The following PTPRT variants were observed in gnomAD, a reference collection of about 807,000 sequenced individuals.
PTPRT encodes the protein protein tyrosine phosphatase receptor type T, also known as receptor-type tyrosine-protein phosphatase T.
In PTPRT, 56 loss-of-function variants were observed where a neutral mutation model predicts 176.8. The observed-to-expected ratio is 0.32, with a 90% CI of 0.26 to 0.40. The LOEUF (loss-of-function observed/expected upper bound fraction) is 0.40. PTPRT is among the 10% of genes least tolerant of loss of function. PTPRT has a pLI of 1.00. For synonymous variants in PTPRT, 783 were observed against 739.0 expected (o/e 1.06, Z -0.96); for missense variants, 1,540 against 1,908.2 (o/e 0.81, Z 3.60).
At chr20:42,837,523 C>A (rs1353540874) in intron 2 of PTPRT, among the ~76,000 whole-genome samples, 4 of 152,196 alleles carry the variant, frequency 2.6e-5, no homozygotes, top group Non-Finnish European at 5.9e-5. Flanking sequence ...CAATCTCGGG[C>A]CCCTGGATCC....
intron 9 of PTPRT, among the ~76,000 whole-genome samples, chr20:42,355,226 T>C (rs1283195367): frequency 6.6e-6 from 1 of 152,168 alleles, no homozygotes; most frequent in African/African-American, 2.4e-5. Flanking sequence ...TTGGTATTCC[T>C]GCAGCATCCC....
chr20:42,380,442 C>T (rs540635266), intron 9 of PTPRT, among the ~76,000 whole-genome samples: 30 of 152,322 alleles, frequency 2.0e-4, no homozygotes, highest in African/African-American at 6.7e-4. Flanking sequence ...CTTCCCTTAG[C>T]CCCAGGCCTG....
intron 15 of PTPRT, among the ~76,000 whole-genome samples, chr20:42,230,020 TC>T (rs1431817304): frequency 6.6e-6 from 1 of 152,122 alleles, no homozygotes; most frequent in Non-Finnish European, 1.5e-5. Context: ...GCAAGCAACA[TC>T]CTTAAGACAA....
At chr20:42,334,320 T>C (rs2058010013) in intron 11 of PTPRT, among the ~76,000 whole-genome samples, 1 of 152,154 alleles carries the variant, frequency 6.6e-6, no homozygotes, top group Admixed American at 6.5e-5. Context: ...AACAAAAATA[T>C]GTCCTGACAT....
chr20:42,998,113 C>A (rs1984330029), intron 1 of PTPRT, among the ~76,000 whole-genome samples: 1 of 152,032 alleles, frequency 6.6e-6, no homozygotes, highest in African/African-American at 2.4e-5. Context: ...GAAAAGCTAC[C>A]CCCTCTATGG....
chr20:42,525,113 G>A (rs528416632), intron 7 of PTPRT, among the ~76,000 whole-genome samples: 3 of 151,866 alleles, frequency 2.0e-5, no homozygotes, highest in Non-Finnish European at 2.9e-5. Context: ...TCAGCCTCCC[G>A]CTGGGACTAT....
chr20:42,598,881 G>C (rs6093691), intron 7 of PTPRT, among the ~76,000 whole-genome samples: 18,945 of 152,174 alleles, frequency 0.12, 1,275 homozygotes, highest in South Asian at 0.15. Context: ...TGCACCTCCA[G>C]TGCCTGTCAC....
intron 6 of PTPRT, among the ~76,000 whole-genome samples, chr20:42,683,954 C>A (rs953652533): frequency 6.6e-6 from 1 of 152,204 alleles, no homozygotes; most frequent in Non-Finnish European, 1.5e-5. Context: ...AGTGAGCAAT[C>A]GGCAGTAGCC....
At chr20:42,306,594 C>T (rs548060018) in intron 12 of PTPRT, among the ~76,000 whole-genome samples, 17 of 152,294 alleles carry the variant, frequency 1.1e-4, no homozygotes, top group South Asian at 1.0e-3. Flanking sequence ...ATCCAGGAAT[C>T]GATTCCTTAC....
At chr20:42,116,624 C>A (rs1280787265) in intron 21 of PTPRT, among the ~76,000 whole-genome samples, 2 of 152,054 alleles carry the variant, frequency 1.3e-5, no homozygotes, top group Admixed American at 1.3e-4. Flanking sequence ...TATTATCATC[C>A]CCATTTTGCA....
At chr20:42,336,253 G>A (rs1036312865) in intron 11 of PTPRT, among the ~76,000 whole-genome samples, 3 of 152,192 alleles carry the variant, frequency 2.0e-5, no homozygotes, top group African/African-American at 7.2e-5. Context: ...TGGAAAGAAG[G>A]AAGGGAGGTA....
chr20:42,054,257 T>A, the PTPRT span, among the ~76,000 whole-genome samples: 3 of 152,216 alleles, frequency 2.0e-5, no homozygotes, highest in Admixed American at 2.0e-4. Context: ...TACAGTGTTC[T>A]CCACTCACTG....
intron 1 of PTPRT, among the ~76,000 whole-genome samples, chr20:42,920,182 A>G (rs1488566504): frequency 6.6e-6 from 1 of 152,258 alleles, no homozygotes. Context: ...CGAATGGCTT[A>G]GCAACTTGTG....
At chr20:42,517,709 T>C (rs2072095410) in intron 7 of PTPRT, among the ~76,000 whole-genome samples, 1 of 152,052 alleles carries the variant, frequency 6.6e-6, no homozygotes, top group Non-Finnish European at 1.5e-5. Flanking sequence ...AAGTTCTACA[T>C]ATTTTCCAAT....
intron 7 of PTPRT, among the ~76,000 whole-genome samples, chr20:42,535,894 C>A (rs1364050627): frequency 1.3e-5 from 2 of 152,140 alleles, no homozygotes; most frequent in Non-Finnish European, 2.9e-5. Flanking sequence ...ACAAAGATTG[C>A]AGGTACTGCC....
chr20:42,614,048 C>T (rs2074021146), intron 7 of PTPRT, among the ~76,000 whole-genome samples: 1 of 151,940 alleles, frequency 6.6e-6, no homozygotes, highest in African/African-American at 2.4e-5. Flanking sequence ...AACTGAAAGT[C>T]CAAGATCAAG....
At chr20:42,761,761 C>G (rs1439732850) in intron 5 of PTPRT, among the ~76,000 whole-genome samples, 1 of 152,214 alleles carries the variant, frequency 6.6e-6, no homozygotes, top group Non-Finnish European at 1.5e-5. Context: ...TGGAATTCTT[C>G]AGGTCTTGCT....
chr20:42,726,120 C>A, intron 6 of PTPRT, among the ~76,000 whole-genome samples: 1 of 150,194 alleles, frequency 6.7e-6, no homozygotes, highest in Non-Finnish European at 1.5e-5. Flanking sequence ...GCTGTTTTTG[C>A]CCAGGCTGGA....
At chr20:42,904,804 C>T (rs1051942391) in intron 1 of PTPRT, among the ~76,000 whole-genome samples, 4 of 152,008 alleles carry the variant, frequency 2.6e-5, no homozygotes, top group African/African-American at 9.7e-5. Flanking sequence ...CTGACAGAAA[C>T]AAGAAATGGG....
Sources: allele counts gnomAD v4.1 joint callset (sites outside exome capture counted in the v4.1 genomes callset), GRCh38; gene constraint gnomAD v4.1.1; transcripts MANE v1.5; gene names NCBI Gene and HGNC (gene_info 2026-07-23, HGNC 2026-07-21).